The following UBR1 variants were observed in gnomAD, a reference collection of about 807,000 sequenced individuals.
UBR1 encodes the protein E3 ubiquitin-protein ligase UBR1.
Under a neutral mutation model 242.1 loss-of-function variants are expected in UBR1, and 102 were observed. The observed-to-expected ratio is 0.42, with a 90% CI of 0.36 to 0.50. The LOEUF is 0.50. Among genes scored for constraint, UBR1 ranks in the 20% least tolerant of loss-of-function variants. UBR1 has a pLI of 0.01. For synonymous variants in UBR1, 675 were observed against 684.8 expected (o/e 0.99, Z 0.22); for missense variants, 1,772 against 2,101.8 (o/e 0.84, Z 3.07).
intron 33 of UBR1, 49 bp from the exon 34 acceptor site, chr15:42,990,169 C>G (rs766571809): frequency 7.8e-7 from 1 of 1,286,930 alleles, no homozygotes; most frequent in Non-Finnish European, 1.1e-6. Flanking sequence ...TGAGTTTAGT[C>G]TGACATACAG....
At chr15:43,026,980 G>A (rs1475063356) in intron 22 of UBR1, among the ~76,000 whole-genome samples, 1 of 151,998 alleles carries the variant, frequency 6.6e-6, no homozygotes, top group African/African-American at 2.4e-5. Flanking sequence ...GATGCCTAAA[G>A]GTTGTCTGTT....
intron 43 of UBR1, 132 bp from the exon 44 acceptor site, chr15:42,958,222 G>C: frequency 1.5e-6 from 1 of 672,810 alleles, no homozygotes; most frequent in Non-Finnish European, 2.6e-6. Flanking sequence ...AATTCCCACT[G>C]TTGACTTGAT....
At chr15:43,038,346 T>C (rs2033365640) in intron 15 of UBR1, 114 bp from the exon 16 acceptor site, 1 of 996,902 alleles carries the variant, frequency 1.0e-6, no homozygotes, top group Non-Finnish European at 1.6e-6. Context: ...CGGTGGCTCA[T>C]GCCTGTAATC....
In UBR1 at chr15:43,058,485, C is replaced by G. The variant is rs948503635; in HGVS notation, c.1094-56G>C. ...TGAGGAGAATCACCAAGGCAAAAAC[C>G]AAAAACATTCTGGCTATTAGAGTGG... On this transcript the variant is annotated intron_variant, in intron 9 of 46. Coordinates refer to ENST00000290650, the MANE Select transcript of UBR1 (RefSeq NM_174916.3). 9 of 1,234,552 alleles carry G rather than the reference C, an allele frequency of 7.3e-6. No individual in the cohort carries two copies. In the African/African-American group the frequency reaches 1.3e-4, roughly 18 times the overall value. The allele number at this position is 1,234,552 out of a possible 1,614,324, so 76.5% of individuals were successfully genotyped here. A position where few individuals can be genotyped will look rare whatever the true frequency, so the allele number is the denominator to read the frequency against.
rs920769736 is a variant in UBR1, at chr15:43,088,872, A to G, written c.82-2632T>C. Among the ~76,000 whole-genome samples, 3 of 152,102 alleles carry G rather than the reference A, an allele frequency of 2.0e-5. 1 individual carries two copies. In the South Asian group the frequency reaches 6.2e-4, roughly 32 times the overall value. On this transcript the variant is annotated intron_variant, in intron 1 of 46. Coordinates refer to ENST00000290650, the MANE Select transcript of UBR1 (RefSeq NM_174916.3). ...AAAAAAAAACTTTTAAAAAATCTAC[A>G]TGAGGGCTGGTGCACATGGTGGCTC... is the stretch of plus-strand genomic sequence containing the variant.
rs1311589528 is a variant in UBR1, at chr15:43,086,210, C to A, written c.112G>T (p.Ala38Ser). 6.2e-7 allele frequency: 1 copy of A among 1,613,754 alleles called. No individual in the cohort carries two copies. The highest frequency in any genetic ancestry group is 1.7e-5 in the Admixed American group (1 of 59,984). ...WWDQQVDFYT[A>S]FLHHLAQLVP... ...AATTGTGCCAAATGATGCAAGAAAGCAGTATAAAAATCAACTTGCTGATCC... is the reference window on the plus strand; with the variant it reads ...AATTGTGCCAAATGATGCAAGAAAGAAGTATAAAAATCAACTTGCTGATCC... Residue 38 changes from alanine (A) to serine (S), a missense_variant, in exon 2 of 47, where the codon GCT becomes TCT. Ala to Ser is a moderately conservative substitution (Grantham distance 99). Transcript: ENST00000290650.
At chr15:43,072,606 C>G (rs1481607158) in intron 4 of UBR1, among the ~76,000 whole-genome samples, 1 of 152,184 alleles carries the variant, frequency 6.6e-6, no homozygotes, top group Admixed American at 6.5e-5. Flanking sequence ...TTGTTTCTGA[C>G]TTCAGGAGGA....
intron 37 of UBR1, among the ~76,000 whole-genome samples, chr15:42,978,567 G>A (rs2032324034): frequency 6.6e-6 from 1 of 152,174 alleles, no homozygotes; most frequent in South Asian, 2.1e-4. Flanking sequence ...GTCAGGACAA[G>A]AGGAATGGTT....
intron 27 of UBR1, among the ~76,000 whole-genome samples, chr15:43,019,761 A>ATT (rs11413335): frequency 2.0e-3 from 281 of 138,202 alleles, no homozygotes; most frequent in South Asian, 0.014. Context: ...CGCCCAGCTA[A>ATT]TTTTTTTTTT....
At chr15:43,014,788 G>A (rs1202081677) in intron 29 of UBR1, among the ~76,000 whole-genome samples, 1 of 137,846 alleles carries the variant, frequency 7.3e-6, no homozygotes, top group Non-Finnish European at 1.6e-5. Context: ...GGAGGGAGGT[G>A]GGGGGTCAGC....
At chr15:43,061,512 G>C (rs1370196441) in intron 6 of UBR1, among the ~76,000 whole-genome samples, 1 of 152,048 alleles carries the variant, frequency 6.6e-6, no homozygotes, top group Non-Finnish European at 1.5e-5. Context: ...AACTGTGATA[G>C]ATATAGATAC....
chr15:43,002,781 C>A, intron 31 of UBR1, 77 bp from the exon 32 acceptor site: 3 of 1,595,012 alleles, frequency 1.9e-6, no homozygotes, highest in Middle Eastern at 1.7e-4. Context: ...TTGCTCTAAT[C>A]CAAGTTTTAA....
intron 5 of UBR1, among the ~76,000 whole-genome samples, chr15:43,069,269 T>G (rs920078736): frequency 1.3e-5 from 2 of 152,020 alleles, no homozygotes; most frequent in South Asian, 4.2e-4. Context: ...ACGGGCTACA[T>G]ATGTGTTCAG....
At position 43,038,226 on chromosome 15, in the gene UBR1, T is replaced by C. The variant is rs752857150; in HGVS notation, c.1856A>G (p.His619Arg). The C allele has an allele frequency of 6.2e-7, 1 of 1,613,994 alleles. No individual in the cohort carries two copies. The highest frequency in any genetic ancestry group is 8.5e-7 in the Non-Finnish European group (1 of 1,179,976). Residue 619 changes from histidine (H) to arginine (R), a missense_variant, in exon 16 of 47, where the codon CAT (histidine) becomes CGT (arginine). This residue lies in a region of UBR1 where 734 missense variants were observed against 893.3 expected (regional missense o/e 0.82). Transcript: ENST00000290650. ...AGCACCCAGCCTGCTTAAACGTACATGAAGACCTAAAGTTAAAAAAACGAG... is the reference window on the plus strand; with the variant it reads ...AGCACCCAGCCTGCTTAAACGTACACGAAGACCTAAAGTTAAAAAAACGAG... ...LPLSRTLAGL[H>R]VRLSRLGAVS...
rs1019232912 is a variant in UBR1, at chr15:42,963,382, C to T, written c.4700+553G>A. Among the ~76,000 whole-genome samples the T allele has an allele frequency of 7.2e-5, 11 of 152,126 alleles. No homozygotes were observed. The East Asian group carries it at 2.1e-3, about 29-fold the overall frequency. On this transcript the variant is annotated intron_variant, in intron 42 of 46. Transcript: ENST00000290650. ...ATTATAAAAATGATAGAAAATGGTG[C>T]AGGCAAAGATAGGGTAAGAAGACTG...
Position 42,983,704 on chromosome 15 carries a change from C to A in UBR1, c.4150+193G>T, listed in dbSNP as rs1381708395. 6.8e-4 allele frequency among the ~76,000 whole-genome samples: 57 copies of A among 84,274 alleles called. 1 individual carries two copies. The highest frequency in any genetic ancestry group is 1.8e-3 in the African/African-American group (54 of 29,382). The allele number at this position is 84,274 out of a possible 152,430, so 55.3% of individuals were successfully genotyped here. A position where few individuals can be genotyped will look rare whatever the true frequency, so the allele number is the denominator to read the frequency against. ...ATAATAATAATAATAATAATAATAT[C>A]ACAAGTTTTACAGAGGCAGCTATGT... On this transcript the variant is annotated intron_variant, in intron 37 of 46. Coordinates refer to ENST00000290650, the MANE Select transcript of UBR1 (RefSeq NM_174916.3).
chr15:43,020,325 G>A (rs552671605), intron 27 of UBR1, among the ~76,000 whole-genome samples: 96 of 152,288 alleles, frequency 6.3e-4, no homozygotes, highest in African/African-American at 2.2e-3. Flanking sequence ...ACAGGTGCTA[G>A]CCACCATGCC....
chr15:43,026,436 G>A (rs1596107721), intron 23 of UBR1, 125 bp downstream of exon 23: 1 of 709,958 alleles, frequency 1.4e-6, no homozygotes, highest in Admixed American at 2.5e-5. Flanking sequence ...TTAATTCTTG[G>A]GTGACATAAT....
intron 1 of UBR1, among the ~76,000 whole-genome samples, chr15:43,086,540 A>T (rs2034039092): frequency 6.6e-6 from 1 of 152,124 alleles, no homozygotes; most frequent in South Asian, 2.1e-4. Flanking sequence ...TATCAGTCAC[A>T]GGCTGTACAG....
Sources: allele counts gnomAD v4.1 joint callset (sites outside exome capture counted in the v4.1 genomes callset), GRCh38; gene constraint gnomAD v4.1.1; regional missense constraint gnomAD v4.1.1; transcripts MANE v1.5; gene names NCBI Gene and HGNC (gene_info 2026-07-23, HGNC 2026-07-21).